Variants in ICA1 observed in about 807,000 individuals in gnomAD.
ICA1 encodes islet cell autoantigen 1.
A neutral mutation model predicts 71.0 loss-of-function variants in ICA1; 40 were observed. The ratio of observed to expected loss-of-function variants is 0.56; its 90% CI spans 0.44 to 0.73. ICA1 has a LOEUF of 0.73. Among genes scored for constraint, ICA1 ranks in the 30% least tolerant of loss-of-function variants. ICA1 has a pLI of 0.00. For missense variants in ICA1, 578 were observed against 576.5 expected (o/e 1.00, Z -0.03); for synonymous variants, 207 against 209.5 (o/e 0.99, Z 0.10).
chr7:8,246,054 C>G (rs1805878082), intron 1 of ICA1, among the ~76,000 whole-genome samples: 1 of 152,164 alleles, frequency 6.6e-6, no homozygotes, highest in African/African-American at 2.4e-5. Context: ...TGCCACAAGG[C>G]CCTTATGAAA....
intron 1 of ICA1, among the ~76,000 whole-genome samples, chr7:8,261,309 T>G (rs1288441252): frequency 6.6e-6 from 1 of 152,108 alleles, no homozygotes; most frequent in African/African-American, 2.4e-5. Flanking sequence ...AAAAAGACAG[T>G]GGGAAAGGTT....
At chr7:8,233,688 G>A (rs569167264) in intron 2 of ICA1, among the ~76,000 whole-genome samples, 8 of 152,114 alleles carry the variant, frequency 5.3e-5, no homozygotes, top group Admixed American at 2.0e-4. Context: ...GAGCCACCGC[G>A]CCCAGCCCCA....
At chr7:8,214,699 G>T (rs377034334) in intron 6 of ICA1, among the ~76,000 whole-genome samples, 2 of 152,084 alleles carry the variant, frequency 1.3e-5, no homozygotes, top group East Asian at 3.8e-4. Context: ...GAGCTCTGTC[G>T]TCAGGCCTCT....
At chr7:8,150,276 C>T (rs1450962327) in intron 8 of ICA1, among the ~76,000 whole-genome samples, 1 of 152,174 alleles carries the variant, frequency 6.6e-6, no homozygotes, top group East Asian at 1.9e-4. Flanking sequence ...TCTTGTGATG[C>T]TGTGAGGATG....
At chr7:8,174,775 A>AAAACCAAAG (rs1554310934) in intron 6 of ICA1, among the ~76,000 whole-genome samples, 1 of 111,344 alleles carries the variant, frequency 9.0e-6, no homozygotes, top group African/African-American at 3.9e-5. Context: ...AAAAAAAAAA[A>AAAACCAAAG]AAAACAGAGA....
intron 9 of ICA1, among the ~76,000 whole-genome samples, chr7:8,143,042 T>G (rs963811548): frequency 6.6e-6 from 1 of 152,232 alleles, no homozygotes; most frequent in Non-Finnish European, 1.5e-5. Flanking sequence ...TGTTTTACGA[T>G]AAGACTGTCA....
rs371756933 is a variant in ICA1, at chr7:8,226,287, G to A, written c.256+2314C>T. Among the ~76,000 whole-genome samples the A allele has an allele frequency of 3.1e-4, 47 of 151,848 alleles. No individual in the cohort carries two copies. The highest frequency in any genetic ancestry group is 9.7e-4 in the African/African-American group (40 of 41,366). On this transcript the variant is annotated intron_variant, in intron 4 of 13. Transcript: ENST00000402384. This position sits in a 1 kb window ranked among gnomAD's most constrained non-coding sequence, Gnocchi z 4.4. ...CCACCACTGGTATCCAGTCTCTTTC[G>A]TTTCTGGTTTATCCTTCCTAAATTT...
intron 6 of ICA1, among the ~76,000 whole-genome samples, chr7:8,198,811 A>T (rs572376516): frequency 1.9e-3 from 288 of 152,338 alleles, no homozygotes; most frequent in Non-Finnish European, 3.0e-3. Context: ...ACGTGAAGAG[A>T]TGACCCACAG....
intron 1 of ICA1, chr7:8,236,847 A>G (rs997954948): frequency 6.6e-6 from 1 of 152,346 alleles, no homozygotes; most frequent in African/African-American, 2.4e-5. Flanking sequence ...TCACTACTCA[A>G]AGGAATGGTC....
chr7:8,206,018 C>T (rs779289846), intron 6 of ICA1, among the ~76,000 whole-genome samples: 4 of 152,108 alleles, frequency 2.6e-5, no homozygotes, highest in African/African-American at 4.8e-5. Flanking sequence ...CCTCCCCCTT[C>T]GTTCTTTTTT....
intron 6 of ICA1, among the ~76,000 whole-genome samples, chr7:8,174,770 A>AAAAAAAAACAAAAAACC (rs1780005574): frequency 5.6e-4 from 21 of 37,304 alleles, no homozygotes; most frequent in Non-Finnish European, 1.8e-4. Context: ...AAAAAAAAAA[A>AAAAAAAAACAAAAAACC]AAAAAAAAAC....
At chr7:8,151,932 G>A (rs1417123304) in intron 8 of ICA1, among the ~76,000 whole-genome samples, 1 of 152,184 alleles carries the variant, frequency 6.6e-6, no homozygotes, top group African/African-American at 2.4e-5. Context: ...TCAGAGTTAC[G>A]TTTTCAAATT....
At chr7:8,177,863 T>C (rs1044641721) in intron 6 of ICA1, among the ~76,000 whole-genome samples, 3 of 152,216 alleles carry the variant, frequency 2.0e-5, no homozygotes, top group African/African-American at 4.8e-5. Context: ...CTTCCCTTTA[T>C]GGATCCATTA....
At position 8,176,311 on chromosome 7, in the gene ICA1, T is replaced by C. The variant is rs2128245595; in HGVS notation, c.580-17659A>G. Among the ~76,000 whole-genome samples the C allele has an allele frequency of 2.0e-5, 3 of 152,364 alleles. No individual in the cohort carries two copies. The South Asian group carries it at 6.2e-4, about 32-fold the overall frequency. On this transcript the variant is annotated intron_variant, in intron 6 of 13. Coordinates refer to ENST00000402384, the MANE Select transcript of ICA1 (RefSeq NM_001136020.3). ...GCCTGGAAAGCCCTCTTCCTTTTGG[T>C]CCACATGGTTAATTCTCACTCATCT...
intron 6 of ICA1, among the ~76,000 whole-genome samples, chr7:8,177,233 A>G (rs961454791): frequency 6.6e-6 from 1 of 152,144 alleles, no homozygotes; most frequent in African/African-American, 2.4e-5. Context: ...ATTATTCACA[A>G]TCGTGTAGTT....
intron 8 of ICA1, among the ~76,000 whole-genome samples, chr7:8,145,782 T>C (rs1323622455): frequency 2.3e-5 from 3 of 128,534 alleles, no homozygotes; most frequent in Non-Finnish European, 5.2e-5. Flanking sequence ...ATAAAATATA[T>C]AGAGAGACAG....
intron 6 of ICA1, among the ~76,000 whole-genome samples, chr7:8,217,789 T>C (rs1038187174): frequency 6.6e-6 from 1 of 152,222 alleles, no homozygotes; most frequent in Admixed American, 6.5e-5. Context: ...TTTAAGAGCA[T>C]AGCCATCTCT....
At chr7:8,197,301 TC>T (rs1787972007) in intron 6 of ICA1, among the ~76,000 whole-genome samples, 1 of 151,638 alleles carries the variant, frequency 6.6e-6, no homozygotes, top group Admixed American at 6.6e-5. Context: ...ACGCCTGTAA[TC>T]CCAGCACTTT....
At chr7:8,129,054 A>C (rs1241765247) in intron 12 of ICA1, among the ~76,000 whole-genome samples, 2 of 152,232 alleles carry the variant, frequency 1.3e-5, no homozygotes, top group Admixed American at 1.3e-4. Flanking sequence ...CCATCCTTAC[A>C]TTACGAACAT....
Sources: allele counts gnomAD v4.1 joint callset (sites outside exome capture counted in the v4.1 genomes callset), GRCh38; gene constraint gnomAD v4.1.1; non-coding constraint Gnocchi (gnomAD v3.1); transcripts MANE v1.5; gene names NCBI Gene and HGNC (gene_info 2026-07-23, HGNC 2026-07-21).